Variants in RGS12 observed in about 807,000 individuals in gnomAD.
RGS12 encodes the protein regulator of G protein signaling 12.
A neutral mutation model predicts 120.1 loss-of-function variants in RGS12; 66 were observed. The ratio of observed to expected loss-of-function variants is 0.55; its 90% confidence interval spans 0.45 to 0.67. RGS12 has a LOEUF of 0.67. Ranked by LOEUF, RGS12 falls within the 30% of genes least tolerant of loss-of-function variation. The pLI is 0.00. For missense variants in RGS12, 1,859 were observed against 1,957.7 expected (o/e 0.95, Z 0.95); for synonymous variants, 827 against 804.7 (o/e 1.03, Z -0.47).
rs944863328 is a variant in RGS12 at position 3,389,428 on chromosome 4, C to T, written c.2020+2991C>T. Among the ~76,000 whole-genome samples, 15 of 152,050 alleles carry T rather than the reference C, an allele frequency of 9.9e-5. No homozygotes were observed. The highest frequency in any genetic ancestry group is 3.3e-4 in the Admixed American group (5 of 15,276). On this transcript the variant is annotated intron_variant, in intron 4 of 17. Transcript: ENST00000336727. The surrounding 1 kb of genome is among the most constrained non-coding windows in gnomAD (Gnocchi z 5.2). ...AGTTATTCAGACAGAAGTGTGAGGT[C>T]GAGCTGGAGGGAGATGGGGCGTTGT...
At chr4:3,314,579 T>G (rs1434771598) in intron 1 of RGS12, 2 of 152,156 alleles carry the variant, frequency 1.3e-5, no homozygotes, top group Non-Finnish European at 2.9e-5. Flanking sequence ...ATTTTTTTTG[T>G]ATTTTTGGTA....
intron 4 of RGS12, among the ~76,000 whole-genome samples, chr4:3,392,812 A>C (rs6813597): frequency 0.075 from 11,468 of 152,120 alleles, 1,108 homozygotes; most frequent in African/African-American, 0.23. Context: ...AACATGGTGA[A>C]ACCCCGTGTC....
chr4:3,351,085 A>G (rs1364213187), intron 3 of RGS12, among the ~76,000 whole-genome samples: 3 of 152,226 alleles, frequency 2.0e-5, no homozygotes, highest in African/African-American at 7.2e-5. Flanking sequence ...AGAATTATGG[A>G]TAAAGCAGTT....
intron 10 of RGS12, among the ~76,000 whole-genome samples, chr4:3,421,151 C>G (rs998344918): frequency 1.3e-5 from 2 of 152,200 alleles, no homozygotes; most frequent in Non-Finnish European, 2.9e-5. Context: ...TGCGGGCCGC[C>G]TGTCTCACCC....
intron 2 of RGS12, among the ~76,000 whole-genome samples, chr4:3,331,742 T>C (rs1026960826): frequency 1.3e-5 from 2 of 152,198 alleles, no homozygotes; most frequent in Non-Finnish European, 2.9e-5. Context: ...AGCATCGCAC[T>C]GCTCTCCATC....
At chr4:3,382,549 GCT>G (rs1718370970) in intron 3 of RGS12, among the ~76,000 whole-genome samples, 1 of 152,194 alleles carries the variant, frequency 6.6e-6, no homozygotes, top group Non-Finnish European at 1.5e-5. Context: ...CATTAGTCCT[GCT>G]CACAGCACCA....
rs144400688 is a variant in RGS12, at chr4:3,430,766, G to T, written c.3925G>T (p.Ala1309Ser). 2.9e-5 allele frequency: 46 copies of T among 1,609,996 alleles called. No individual in the cohort carries two copies. The highest frequency in any genetic ancestry group is 1.7e-4 in the Middle Eastern group (1 of 6,040). Residue 1309 changes from alanine (A) to serine (S), a missense_variant, in exon 17 of 18, where the codon GCG (alanine) becomes TCG (serine). Physicochemically the swap from Ala to Ser is moderately conservative, Grantham distance 99 (BLOSUM62 1). Around this residue, in one of 3 missense-constraint regions of RGS12, gnomAD observed 517 missense variants for 488.5 expected, o/e 1.06. Coordinates refer to ENST00000336727, the MANE Select transcript of RGS12 (RefSeq NM_001394154.1). ...CACTCCCCAGTCCCCCGTCTCCCTC[G>T]CGCAGGAGGGCACCGCCCAGATCTG... Reference protein sequence around the residue: ...FCTPQSPVSLAQEGTAQIWKR... With the variant: ...FCTPQSPVSLSQEGTAQIWKR...
rs1462084350 is a variant in RGS12, at chr4:3,372,447, C to T, written c.1999-13969C>T. On this transcript the variant is annotated intron_variant, in intron 3 of 17. Coordinates refer to ENST00000336727, the MANE Select transcript of RGS12 (RefSeq NM_001394154.1). This position sits in a 1 kb window ranked among gnomAD's most constrained non-coding sequence, Gnocchi z 4.3. ...AAGGCCCTGCTGGCGCACGGCTGGA[C>T]AAGCATGACAGTTGTCGCGGAGCCG... Among the ~76,000 whole-genome samples, 2 of 152,222 alleles carry T rather than the reference C, an allele frequency of 1.3e-5. No individual in the cohort carries two copies. Among genetic ancestry groups the T allele is most frequent in the Non-Finnish European group, 2.9e-5 (2 of 68,040 alleles).
chr4:3,364,319 C>G (rs901920498), intron 3 of RGS12, among the ~76,000 whole-genome samples: 1 of 152,174 alleles, frequency 6.6e-6, no homozygotes, highest in Admixed American at 6.5e-5. Flanking sequence ...TGTCTGAGGG[C>G]AGCCCCTGCA....
chr4:3,311,130 G>T (rs1724374431), intron 1 of RGS12, among the ~76,000 whole-genome samples: 1 of 152,152 alleles, frequency 6.6e-6, no homozygotes, highest in South Asian at 2.1e-4. Flanking sequence ...TGCTGTTCTT[G>T]TGCCTTGCTC....
chr4:3,350,154 A>T (rs1714226914), intron 3 of RGS12, among the ~76,000 whole-genome samples: 1 of 152,212 alleles, frequency 6.6e-6, no homozygotes, highest in African/African-American at 2.4e-5. Context: ...CACAGAAGAT[A>T]CAGCAATTTT....
rs547319425 is a variant in RGS12 at position 3,390,754 on chromosome 4, C to A, written c.2020+4317C>A. Among the ~76,000 whole-genome samples, 1 of 152,198 alleles carries A rather than the reference C, an allele frequency of 6.6e-6. No individual in the cohort carries two copies. Among genetic ancestry groups the A allele is most frequent in the Admixed American group, 6.5e-5 (1 of 15,286 alleles). On this transcript the variant is annotated intron_variant, in intron 4 of 17. Transcript: ENST00000336727. The surrounding 1 kb of genome is among the most constrained non-coding windows in gnomAD (Gnocchi z 4.6). Reference sequence around the variant, plus strand: ...TCCTAGCCTTGTGTCTTCATCTCGCCGGTCCTTGTTAGCGAACAGGCACTG... The same window carrying A: ...TCCTAGCCTTGTGTCTTCATCTCGCAGGTCCTTGTTAGCGAACAGGCACTG...
chr4:3,423,808 G>A (rs568943046), intron 13 of RGS12, 167 bp downstream of exon 13: 17 of 750,348 alleles, frequency 2.3e-5, no homozygotes, highest in Middle Eastern at 8.0e-4. Context: ...CCCAGTTCTC[G>A]TTCTGTGCAG....
At chr4:3,299,788 T>C (rs1220852163) in intron 1 of RGS12, among the ~76,000 whole-genome samples, 1 of 152,216 alleles carries the variant, frequency 6.6e-6, no homozygotes, top group Non-Finnish European at 1.5e-5. Flanking sequence ...GCAGAGAGAC[T>C]GTGCGTCCTT....
At position 3,316,259 on chromosome 4, in the gene RGS12, C is replaced by T. The variant is rs775789889; in HGVS notation, c.89C>T (p.Ala30Val). The T allele has an allele frequency of 4.0e-5, 64 of 1,613,448 alleles. No individual in the cohort carries two copies. The highest frequency in any genetic ancestry group is 5.3e-5 in the Non-Finnish European group (62 of 1,179,694). The change falls in exon 2 of 18, where the codon GCC becomes GTC. Residue 30 changes from alanine (A) to valine (V), a missense_variant. Transcript: ENST00000336727. Reference protein sequence around the residue: ...VRSVEVARGRAGYGFTLSGQA... With the variant: ...VRSVEVARGRVGYGFTLSGQA... ...AGTGTGGAGGTTGCCCGGGGGAGGG[C>T]CGGCTACGGATTCACGCTTTCGGGA... is the stretch of plus-strand genomic sequence containing the variant.
In RGS12 at chr4:3,422,537, G is replaced by A. The variant is rs139780010; in HGVS notation, c.3000G>A (p.Ala1000=). ...GTGAGCGGCATGGCATCAACGGGGC[G>A]GCCGCGGACCTCTTCCTGGTGGGCG... ...GLCERHGING[A]AADLFLVGGD... The change falls in exon 11 of 18, where the codon GCG becomes GCA. Residue 1000 remains alanine (A), a synonymous_variant. Transcript: ENST00000336727. 8.7e-5 allele frequency: 141 copies of A among 1,612,544 alleles called. No homozygotes were observed. The highest frequency in any genetic ancestry group is 1.1e-4 in the African/African-American group (8 of 74,930).
At position 3,439,827 on chromosome 4, in the gene RGS12, C is replaced by T; in HGVS notation, c.*143C>T. 2.7e-6 allele frequency: 2 copies of T among 747,648 alleles called. No individual in the cohort carries two copies. Among genetic ancestry groups the T allele is most frequent in the South Asian group, 4.1e-5 (2 of 48,448 alleles). The allele number at this position is 747,648 out of a possible 1,614,324, so 46.3% of individuals were successfully genotyped here. A position where few individuals can be genotyped will look rare whatever the true frequency, so the allele number is the denominator to read the frequency against. ...GGGCAGGGGGTGACCTCGCTGGAGG[C>T]ACTGGCCCCGGACATTCGCCATGCT... is the stretch of plus-strand genomic sequence containing the variant. On this transcript the variant is annotated 3_prime_UTR_variant, in exon 18 of 18. Transcript: ENST00000336727.
intron 4 of RGS12, among the ~76,000 whole-genome samples, chr4:3,398,981 A>G (rs1220632049): frequency 2.0e-5 from 3 of 152,238 alleles, no homozygotes; most frequent in Non-Finnish European, 4.4e-5. Context: ...CGATCATAAA[A>G]TGATAACAAA....
At chr4:3,325,523 C>T (rs971101943) in intron 2 of RGS12, among the ~76,000 whole-genome samples, 4 of 152,102 alleles carry the variant, frequency 2.6e-5, no homozygotes, top group African/African-American at 9.7e-5. Context: ...GTCTGAATAA[C>T]GAGCAGTGAG....
Sources: allele counts gnomAD v4.1 joint callset (sites outside exome capture counted in the v4.1 genomes callset), GRCh38; gene constraint gnomAD v4.1.1; regional missense constraint gnomAD v4.1.1; non-coding constraint Gnocchi (gnomAD v3.1); transcripts MANE v1.5; gene names NCBI Gene and HGNC (gene_info 2026-07-23, HGNC 2026-07-21).